Variants in LRRC18 observed in about 807,000 individuals in gnomAD.
The protein encoded by LRRC18 is leucine-rich repeat-containing protein 18.
A neutral mutation model predicts 11.2 loss-of-function variants in LRRC18; 12 were observed. The ratio of observed to expected loss-of-function variants is 1.07; its 90% confidence interval spans 0.69 to 1.74. LRRC18 has a LOEUF of 1.74. LRRC18 is among the 40% of genes most tolerant of loss of function. LRRC18 has a pLI of 0.00. For synonymous variants in LRRC18, 155 were observed against 130.6 expected (o/e 1.19, Z -1.27); for missense variants, 374 against 330.5 (o/e 1.13, Z -1.02).
At chr10:48,921,633 A>T in the LRRC18 span, among the ~76,000 whole-genome samples, 5 of 152,228 alleles carry the variant, frequency 3.3e-5, no homozygotes, top group African/African-American at 1.2e-4. Flanking sequence ...GCATGAAAAG[A>T]CAAGCTACAG....
the LRRC18 span, among the ~76,000 whole-genome samples, chr10:48,938,804 C>T: frequency 2.0e-5 from 3 of 152,192 alleles, no homozygotes; most frequent in African/African-American, 7.2e-5. Context: ...GAACTACCCA[C>T]GACGTCCTGA....
chr10:48,913,052 G>A (rs1370761612), intron 1 of LRRC18, among the ~76,000 whole-genome samples: 1 of 152,216 alleles, frequency 6.6e-6, no homozygotes, highest in African/African-American at 2.4e-5. Flanking sequence ...GCCAGTGATA[G>A]TGAGTGTGTG....
At chr10:48,924,044 G>A in the LRRC18 span, among the ~76,000 whole-genome samples, 1 of 152,328 alleles carries the variant, frequency 6.6e-6, no homozygotes, top group East Asian at 1.9e-4. Flanking sequence ...CTCCGTTAAG[G>A]AGCCTCTCTC....
intron 1 of LRRC18, among the ~76,000 whole-genome samples, chr10:48,912,120 G>C (rs765655495): frequency 1.3e-5 from 2 of 152,374 alleles, no homozygotes; most frequent in South Asian, 4.1e-4. Flanking sequence ...AGGTGTGAGA[G>C]TGTGGTACAC....
At chr10:48,910,883 G>A (rs556303316) in intron 1 of LRRC18, 1 of 984,508 alleles carries the variant, frequency 1.0e-6, no homozygotes, top group African/African-American at 1.7e-5. Context: ...TGGGCACCAG[G>A]TGGGCTCTGT....
the LRRC18 span, among the ~76,000 whole-genome samples, chr10:48,922,727 G>A: frequency 2.6e-5 from 4 of 152,212 alleles, no homozygotes; most frequent in East Asian, 1.9e-4. Flanking sequence ...CAAAGTCTAC[G>A]GATACATGCG....
the LRRC18 span, among the ~76,000 whole-genome samples, chr10:48,927,779 A>G: frequency 1.3e-5 from 2 of 152,198 alleles, no homozygotes; most frequent in African/African-American, 4.8e-5. Context: ...CGGCCCAATA[A>G]CAAAAGATTA....
At chr10:48,933,102 G>C in the LRRC18 span, among the ~76,000 whole-genome samples, 1 of 152,154 alleles carries the variant, frequency 6.6e-6, no homozygotes, top group Non-Finnish European at 1.5e-5. Flanking sequence ...CTGTGCTGAA[G>C]GGCATGGCAG....
the LRRC18 span, among the ~76,000 whole-genome samples, chr10:48,926,946 T>C: frequency 2.0e-5 from 3 of 152,164 alleles, no homozygotes; most frequent in African/African-American, 7.2e-5. Flanking sequence ...ACATGGAGTG[T>C]GAGTCAAGAG....
At chr10:48,910,335 C>T in intron 1 of LRRC18, 77 bp from the exon 4 acceptor site, 1 of 1,280,196 alleles carries the variant, frequency 7.8e-7, no homozygotes, top group Admixed American at 1.7e-5. Flanking sequence ...AGAGGTCACA[C>T]CAGCTCACCA....
the LRRC18 span, among the ~76,000 whole-genome samples, chr10:48,925,145 CA>C: frequency 1.6e-4 from 25 of 152,178 alleles, no homozygotes; most frequent in Admixed American, 3.9e-4. Flanking sequence ...CTCACTCATT[CA>C]AAGGTAACTG....
the LRRC18 span, among the ~76,000 whole-genome samples, chr10:48,938,479 A>G: frequency 6.6e-6 from 1 of 152,258 alleles, no homozygotes; most frequent in Non-Finnish European, 1.5e-5. Flanking sequence ...CTGCTCTGCC[A>G]GCCCCCGATG....
exon 2 of LRRC18, chr10:48,910,110 G>A (rs771441563): frequency 5.5e-5 from 48 of 872,004 alleles, no homozygotes; most frequent in Non-Finnish European, 7.8e-5. Context: ...GGCTTGGCCA[G>A]CTCCGGCGAG....
At chr10:48,927,507 G>A in the LRRC18 span, among the ~76,000 whole-genome samples, 2 of 152,174 alleles carry the variant, frequency 1.3e-5, no homozygotes, top group Admixed American at 6.5e-5. Flanking sequence ...CAAATGGAGT[G>A]TCTGTATAAA....
the LRRC18 span, among the ~76,000 whole-genome samples, chr10:48,931,355 G>A: frequency 6.6e-6 from 1 of 152,216 alleles, no homozygotes; most frequent in Non-Finnish European, 1.5e-5. Context: ...AATGCAAGAG[G>A]TGGCCACTGA....
exon 1 of LRRC18, chr10:48,913,685 G>A: frequency 6.2e-7 from 1 of 1,613,118 alleles, no homozygotes; most frequent in Non-Finnish European, 8.5e-7. Flanking sequence ...CGGGGATGTT[G>A]TTCAGTAGGT....
exon 2 of LRRC18, chr10:48,909,570 T>C (rs1480686506): frequency 1.3e-5 from 2 of 152,094 alleles, no homozygotes; most frequent in Non-Finnish European, 2.9e-5. Flanking sequence ...CTTTGGGGTA[T>C]AGGTGCTTCC....
chr10:48,915,402 G>A (rs1225473387), upstream of LRRC18, among the ~76,000 whole-genome samples: 1 of 141,074 alleles, frequency 7.1e-6, no homozygotes, highest in African/African-American at 2.6e-5. Context: ...GGCCTCCTGT[G>A]CCTCCTGCTT....
upstream of LRRC18, among the ~76,000 whole-genome samples, chr10:48,916,518 G>T (rs371989121): frequency 1.9e-4 from 29 of 152,266 alleles, no homozygotes; most frequent in East Asian, 5.4e-3. Flanking sequence ...GAGCTGGGGG[G>T]TTGCTTTGTT....
Sources: gnomAD v4.1 joint callset for allele counts (sites outside exome capture counted in the v4.1 genomes callset) on GRCh38, gnomAD v4.1.1 for gene constraint, MANE v1.5 for transcripts, NCBI Gene and HGNC (gene_info 2026-07-23, HGNC 2026-07-21) for gene names.